The following CACNA1E variants were observed in gnomAD, a reference collection of about 807,000 sequenced individuals.
The protein encoded by CACNA1E is voltage-dependent R-type calcium channel subunit alpha-1E.
CACNA1E carries 40 observed loss-of-function variants against 259.2 expected under a neutral mutation model. The observed-to-expected ratio is 0.15, with a 90% CI of 0.12 to 0.20. The LOEUF (loss-of-function observed/expected upper bound fraction) is 0.20, where lower values mean the gene tolerates loss of function less well. Among genes scored for constraint, CACNA1E ranks in the 10% least tolerant of loss-of-function variants. CACNA1E has a pLI of 1.00. For missense variants in CACNA1E, 1,874 were observed against 3,040.1 expected (o/e 0.62, Z 9.02); for synonymous variants, 1,104 against 1,138.5 (o/e 0.97, Z 0.61).
intron 7 of CACNA1E, among the ~76,000 whole-genome samples, chr1:181,655,998 A>G (rs1375572318): frequency 6.6e-6 from 1 of 152,150 alleles, no homozygotes; most frequent in Non-Finnish European, 1.5e-5. Flanking sequence ...ATCATAGTGC[A>G]ATGCATTACT....
chr1:181,339,346 G>A (rs921535018), intron 1 of CACNA1E, among the ~76,000 whole-genome samples: 2 of 151,702 alleles, frequency 1.3e-5, no homozygotes, highest in African/African-American at 4.8e-5. Context: ...TTTAATCAAT[G>A]TTATATAGTT....
intron 6 of CACNA1E, among the ~76,000 whole-genome samples, chr1:181,645,889 C>T (rs185302589): frequency 1.5e-3 from 223 of 152,248 alleles, no homozygotes; most frequent in African/African-American, 5.0e-3. Flanking sequence ...CCAAGTCCCT[C>T]GGGGTGGGAC....
intron 1 of CACNA1E, among the ~76,000 whole-genome samples, chr1:181,343,933 G>A (rs1338518601): frequency 6.6e-6 from 1 of 152,030 alleles, no homozygotes; most frequent in Admixed American, 6.5e-5. Context: ...TATATAAAAG[G>A]ACAACAGGCC....
At chr1:181,518,859 A>C (rs533055894) in intron 3 of CACNA1E, among the ~76,000 whole-genome samples, 1 of 152,238 alleles carries the variant, frequency 6.6e-6, no homozygotes, top group Admixed American at 6.5e-5. Flanking sequence ...GACAGAACTG[A>C]GTGGGGCCTG....
At chr1:181,336,688 C>G (rs1412435740) in intron 1 of CACNA1E, among the ~76,000 whole-genome samples, 1 of 152,080 alleles carries the variant, frequency 6.6e-6, no homozygotes, top group African/African-American at 2.4e-5. Context: ...TTCATCTTCC[C>G]AAACTAGACT....
At chr1:181,622,427 T>C (rs2103175364) in intron 6 of CACNA1E, among the ~76,000 whole-genome samples, 1 of 152,292 alleles carries the variant, frequency 6.6e-6, no homozygotes, top group Middle Eastern at 3.4e-3. Flanking sequence ...ATTTACTTTC[T>C]CATAGTTCTG....
chr1:181,508,174 T>TGTGTGA (rs1221577124), intron 1 of CACNA1E, among the ~76,000 whole-genome samples: 2 of 151,778 alleles, frequency 1.3e-5, no homozygotes, highest in African/African-American at 2.4e-5. Flanking sequence ...TGTGTGTGTG[T>TGTGTGA]GATGGGGTGT....
intron 1 of CACNA1E, among the ~76,000 whole-genome samples, chr1:181,509,633 G>A (rs188034979): frequency 2.9e-4 from 44 of 152,264 alleles, no homozygotes; most frequent in Middle Eastern, 3.4e-3. Context: ...ACCTCCCTCG[G>A]AGCATGTGGC....
intron 7 of CACNA1E, among the ~76,000 whole-genome samples, chr1:181,682,952 A>G (rs1193910130): frequency 6.6e-6 from 1 of 152,242 alleles, no homozygotes; most frequent in Non-Finnish European, 1.5e-5. Flanking sequence ...ACACAGATCC[A>G]AACCATATCA....
intron 1 of CACNA1E, among the ~76,000 whole-genome samples, chr1:181,508,416 A>G (rs1360384769): frequency 6.6e-6 from 1 of 152,202 alleles, no homozygotes; most frequent in African/African-American, 2.4e-5. Context: ...TCCATCGCCC[A>G]AGCATGTTTT....
intron 18 of CACNA1E, among the ~76,000 whole-genome samples, chr1:181,729,240 C>A (rs1013150426): frequency 6.6e-6 from 1 of 151,926 alleles, no homozygotes; most frequent in East Asian, 1.9e-4. Flanking sequence ...GTGTGCCCTG[C>A]ACAGATGTGT....
intron 6 of CACNA1E, among the ~76,000 whole-genome samples, chr1:181,581,940 G>A (rs960771423): frequency 6.6e-6 from 1 of 152,114 alleles, no homozygotes; most frequent in Non-Finnish European, 1.5e-5. Flanking sequence ...TGGAACATAA[G>A]GTGGCTTATA....
chr1:181,420,826 G>A (rs550130613), intron 2 of CACNA1E, among the ~76,000 whole-genome samples: 2 of 152,300 alleles, frequency 1.3e-5, no homozygotes, highest in East Asian at 3.9e-4. Flanking sequence ...TATAAAGAGG[G>A]AGGGGGTATT....
chr1:181,704,385 C>A (rs548581328), intron 7 of CACNA1E, among the ~76,000 whole-genome samples: 5 of 152,252 alleles, frequency 3.3e-5, no homozygotes, highest in Admixed American at 6.5e-5. Flanking sequence ...ACAGAATTGC[C>A]AATCTTGCTT....
intron 6 of CACNA1E, among the ~76,000 whole-genome samples, chr1:181,604,802 G>A (rs1654074741): frequency 6.6e-6 from 1 of 152,122 alleles, no homozygotes; most frequent in African/African-American, 2.4e-5. Flanking sequence ...TCCTCATAGG[G>A]TGGGAACTTG....
At chr1:181,329,243 A>G (rs1476979645) in intron 1 of CACNA1E, among the ~76,000 whole-genome samples, 28 of 151,854 alleles carry the variant, frequency 1.8e-4, no homozygotes, top group Admixed American at 1.8e-3. Context: ...TGCCATTACC[A>G]AGACCAAACC....
At chr1:181,641,959 G>T (rs1657824337) in intron 6 of CACNA1E, among the ~76,000 whole-genome samples, 1 of 152,144 alleles carries the variant, frequency 6.6e-6, no homozygotes, top group South Asian at 2.1e-4. Context: ...TGATCCGCTT[G>T]CCTCTGCTTC....
chr1:181,761,239 T>C (rs950996562), intron 32 of CACNA1E, among the ~76,000 whole-genome samples: 3 of 152,218 alleles, frequency 2.0e-5, no homozygotes, highest in Non-Finnish European at 2.9e-5. Flanking sequence ...GTTCATAACC[T>C]TCTGAGTGGG....
intron 6 of CACNA1E, among the ~76,000 whole-genome samples, chr1:181,640,765 G>T (rs1657673711): frequency 6.6e-6 from 1 of 152,174 alleles, no homozygotes; most frequent in South Asian, 2.1e-4. Flanking sequence ...TCCAGAGAAG[G>T]AAACTTATAT....
Sources: gnomAD v4.1 joint callset for allele counts (sites outside exome capture counted in the v4.1 genomes callset) on GRCh38, gnomAD v4.1.1 for gene constraint, MANE v1.5 for transcripts, NCBI Gene and HGNC (gene_info 2026-07-23, HGNC 2026-07-21) for gene names.